The following KIF5C variants were observed in gnomAD, a reference collection of about 807,000 sequenced individuals.
The protein encoded by KIF5C is kinesin family member 5C.
In KIF5C, 18 loss-of-function variants were observed where a neutral mutation model predicts 125.2. That is an observed-to-expected ratio of 0.14 (90% CI 0.10 to 0.21). KIF5C has a LOEUF of 0.21. KIF5C is among the 10% of genes least tolerant of loss of function. The pLI, the probability that KIF5C is intolerant of heterozygous loss-of-function variation, is 1.00. For missense variants in KIF5C, 780 were observed against 1,183.8 expected (o/e 0.66, Z 5.01); for synonymous variants, 405 against 434.0 (o/e 0.93, Z 0.83).
chr2:148,942,031 C>T (rs1275433086), intron 6 of KIF5C, 41 bp downstream of exon 6: 5 of 1,600,724 alleles, frequency 3.1e-6, no homozygotes, highest in Non-Finnish European at 4.3e-6. Context: ...TAATTTCTCT[C>T]CAGTCTCTGT....
At chr2:148,909,804 A>G (rs182208830) in intron 1 of KIF5C, among the ~76,000 whole-genome samples, 38 of 152,346 alleles carry the variant, frequency 2.5e-4, no homozygotes, top group Non-Finnish European at 3.8e-4. Flanking sequence ...GGTGAATTGG[A>G]TATCTGTGAT....
intron 11 of KIF5C, among the ~76,000 whole-genome samples, chr2:148,968,304 A>G (rs566741294): frequency 1.2e-4 from 18 of 152,238 alleles, no homozygotes; most frequent in Non-Finnish European, 2.2e-4. Flanking sequence ...TTGTTCATCC[A>G]GTTCAAAACC....
chr2:149,002,058 GA>G (rs1681865282), intron 21 of KIF5C, among the ~76,000 whole-genome samples: 1 of 152,264 alleles, frequency 6.6e-6, no homozygotes, highest in South Asian at 2.1e-4. Context: ...GGAGCCTGTG[GA>G]GGGGGCTGCT....
chr2:148,889,956 G>T (rs947126149), intron 1 of KIF5C, among the ~76,000 whole-genome samples: 1 of 152,154 alleles, frequency 6.6e-6, no homozygotes, highest in Non-Finnish European at 1.5e-5. Flanking sequence ...TGTGTTTGTT[G>T]TCTTACTTTA....
At chr2:148,982,957 T>C (rs535883522) in intron 14 of KIF5C, among the ~76,000 whole-genome samples, 25 of 152,320 alleles carry the variant, frequency 1.6e-4, no homozygotes, top group African/African-American at 5.8e-4. Flanking sequence ...TTTGGCAAGA[T>C]ACATGAGGAT....
At chr2:148,987,469 C>G (rs1681410163) in intron 15 of KIF5C, among the ~76,000 whole-genome samples, 2 of 152,056 alleles carry the variant, frequency 1.3e-5, no homozygotes, top group South Asian at 4.2e-4. Context: ...GGGGCAGGGG[C>G]AGGCTGTGGT....
intron 1 of KIF5C, among the ~76,000 whole-genome samples, chr2:148,899,702 CAA>C (rs771196518): frequency 6.5e-5 from 3 of 46,078 alleles, no homozygotes; most frequent in African/African-American, 1.5e-4. Context: ...AACTCCATCT[CAA>C]AAAAAAAAAA....
rs114513680 is a variant in KIF5C, at chr2:148,922,063, G to A, written c.127-74G>A. The A allele has an allele frequency of 1.4e-3, 1,420 of 1,013,358 alleles. 7 individuals are homozygous for A. In the African/African-American group the frequency reaches 0.02, roughly 14 times the overall value. 62.8% of individuals were successfully genotyped at this position (1,013,358 alleles called of 1,614,324 possible). ...TAGTGCCTATGGCCTAGCTACTAAT[G>A]TTTGCGATTTTTTATTCCTAAACAT... On this transcript the variant is annotated intron_variant, in intron 1 of 25. Transcript: ENST00000435030.
Position 148,876,575 on chromosome 2 carries a change from A to T in KIF5C, c.126+832A>T, listed in dbSNP as rs1316582731. On this transcript the variant is annotated intron_variant, in intron 1 of 25. Coordinates refer to ENST00000435030, the MANE Select transcript of KIF5C (RefSeq NM_004522.3). This position sits in a 1 kb window ranked among gnomAD's most constrained non-coding sequence, Gnocchi z 4.7. ...GCAGAAGTTACTTCGTGCGGCTCGG[A>T]CCCCCCTCCCTCTCTATCTCCCTTC... is the stretch of plus-strand genomic sequence containing the variant. 2.0e-5 allele frequency among the ~76,000 whole-genome samples: 3 copies of T among 150,576 alleles called. No individual in the cohort carries two copies. The highest frequency in any genetic ancestry group is 4.4e-5 in the Non-Finnish European group (3 of 67,572).
chr2:148,989,147 C>T (rs1026674612), intron 15 of KIF5C, among the ~76,000 whole-genome samples: 4 of 152,128 alleles, frequency 2.6e-5, no homozygotes, highest in African/African-American at 9.7e-5. Context: ...CCCCAAAGTC[C>T]ATTGTATCAT....
intron 11 of KIF5C, among the ~76,000 whole-genome samples, chr2:148,971,290 G>GTCTATCTATCTA (rs753154563): frequency 2.5e-3 from 348 of 137,314 alleles, no homozygotes; most frequent in Middle Eastern, 4.3e-3. Context: ...CTGTCTGTCT[G>GTCTATCTATCTA]TCTATCTATC....
chr2:148,902,100 G>C (rs1680927860), intron 1 of KIF5C, among the ~76,000 whole-genome samples: 1 of 152,108 alleles, frequency 6.6e-6, no homozygotes, highest in Admixed American at 6.5e-5. Context: ...AGTCAGCGTT[G>C]GTCCATAACA....
At chr2:148,908,824 C>G (rs1176350849) in intron 1 of KIF5C, among the ~76,000 whole-genome samples, 1 of 152,152 alleles carries the variant, frequency 6.6e-6, no homozygotes, top group African/African-American at 2.4e-5. Context: ...TTCTATGAGA[C>G]TTTGCATTTT....
At chr2:148,931,243 G>A (rs1037565340) in intron 3 of KIF5C, among the ~76,000 whole-genome samples, 17 of 152,240 alleles carry the variant, frequency 1.1e-4, no homozygotes, top group African/African-American at 3.4e-4. Context: ...GACCTTTTAA[G>A]CTTTGGGATT....
intron 3 of KIF5C, among the ~76,000 whole-genome samples, chr2:148,931,148 AAAC>A (rs533357706): frequency 3.4e-4 from 52 of 152,156 alleles, no homozygotes; most frequent in African/African-American, 7.5e-4. Flanking sequence ...ATATAATGCC[AAAC>A]AACAACAACA....
intron 1 of KIF5C, chr2:148,886,439 A>G (rs1574690218): frequency 6.6e-6 from 1 of 152,484 alleles, no homozygotes; most frequent in East Asian, 1.9e-4. Flanking sequence ...GTGGGAAGGT[A>G]AGGAAATGGG....
chr2:149,011,632 G>C lies in KIF5C; in HGVS notation c.2830G>C (p.Gly944Arg), dbSNP rs779740680. ...SSPTAVHAIR[G>R]GGGSSSNSTH... ...TCCAACGGCCGTCCATGCCATTCGA[G>C]GGGGAGGAGGCAGCTCTTCAAATTC... The change falls in exon 25 of 26, where the codon GGG becomes CGG. Residue 944 changes from glycine to arginine, a missense_variant. By Grantham distance (125) the Gly-to-Arg change is moderately radical. This residue lies in a region of KIF5C where 573 missense variants were observed against 742.6 expected (regional missense o/e 0.77). Transcript: ENST00000435030. 27 of 1,613,948 alleles carry C rather than the reference G, an allele frequency of 1.7e-5. No homozygotes were observed. The highest frequency in any genetic ancestry group is 1.5e-4 in the South Asian group (14 of 91,092).
At position 148,894,014 on chromosome 2, in the gene KIF5C, C is replaced by A. The variant is rs561909823; in HGVS notation, c.126+18271C>A. Among the ~76,000 whole-genome samples, 6 of 151,944 alleles carry A rather than the reference C, an allele frequency of 3.9e-5. No homozygotes were observed. In the South Asian group the frequency reaches 1.0e-3, roughly 26 times the overall value. On this transcript the variant is annotated intron_variant, in intron 1 of 25. Transcript: ENST00000435030. The stretch of plus-strand genomic sequence containing the variant: ...TGGATAGAAGTGCACACACACACAC[C>A]CCACCACACACACATACACACACTG...
At chr2:148,933,318 G>A (rs901196722) in intron 3 of KIF5C, among the ~76,000 whole-genome samples, 29 of 151,982 alleles carry the variant, frequency 1.9e-4, no homozygotes, top group African/African-American at 7.0e-4. Context: ...ACTTCTTACT[G>A]CCCGAGGCAA....
Sources: gnomAD v4.1 joint callset for allele counts (sites outside exome capture counted in the v4.1 genomes callset) on GRCh38, gnomAD v4.1.1 for gene constraint, gnomAD v4.1.1 regional missense constraint, Gnocchi (gnomAD v3.1) non-coding constraint, MANE v1.5 for transcripts, NCBI Gene and HGNC (gene_info 2026-07-23, HGNC 2026-07-21) for gene names.